ARHGAP5: variants seen among roughly 807,000 people sequenced by gnomAD.
ARHGAP5 encodes rho GTPase-activating protein 5.
In ARHGAP5, 23 loss-of-function variants were observed where a neutral mutation model predicts 116.6. That is an observed-to-expected ratio of 0.20 (90% CI 0.14 to 0.28). The LOEUF (loss-of-function observed/expected upper bound fraction) is 0.28. ARHGAP5 is among the 10% of genes least tolerant of loss of function. The pLI, the probability that ARHGAP5 is intolerant of heterozygous loss-of-function variation, is 1.00. For synonymous variants in ARHGAP5, 574 were observed against 602.0 expected (o/e 0.95, Z 0.68); for missense variants, 1,405 against 1,774.8 (o/e 0.79, Z 3.74).
chr14:32,132,269 T>C (rs867334122), intron 3 of ARHGAP5, among the ~76,000 whole-genome samples: 46 of 152,318 alleles, frequency 3.0e-4, no homozygotes, highest in African/African-American at 8.4e-4. Flanking sequence ...TTTTTAATGA[T>C]TGCCACTCTA....
chr14:32,078,725 T>G (rs1310708756), intron 1 of ARHGAP5, among the ~76,000 whole-genome samples: 3 of 152,192 alleles, frequency 2.0e-5, no homozygotes, highest in Non-Finnish European at 2.9e-5. Context: ...GGGAGCTTGC[T>G]CTACATTTCC....
chr14:32,158,547 G>A lies in ARHGAP5; in HGVS notation c.*3599G>A, dbSNP rs188790974. ...TAGGCCAAATTTTGTGGTATATGTT[G>A]TCAGTCTGGATCTGGTGAGGTCTGT... On this transcript the variant is annotated 3_prime_UTR_variant, in exon 7 of 7. Coordinates refer to ENST00000345122, the MANE Select transcript of ARHGAP5 (RefSeq NM_001030055.2). The A allele has an allele frequency of 3.5e-4, 53 of 152,062 alleles. No homozygotes were observed. Among genetic ancestry groups the A allele is most frequent in the African/African-American group, 1.2e-3 (48 of 41,538 alleles). The allele number at this position is 152,062 out of a possible 1,614,324, so 9.4% of individuals were successfully genotyped here.
chr14:32,139,930 A>C (rs943511378), intron 3 of ARHGAP5, among the ~76,000 whole-genome samples: 13 of 150,826 alleles, frequency 8.6e-5, no homozygotes, highest in Admixed American at 8.5e-4. Flanking sequence ...TAAAAAGAAA[A>C]CATTTATTTA....
At chr14:32,103,801 C>T (rs577043453) in intron 2 of ARHGAP5, among the ~76,000 whole-genome samples, 3 of 152,118 alleles carry the variant, frequency 2.0e-5, no homozygotes, top group Non-Finnish European at 4.4e-5. Flanking sequence ...AGGGCTTAAT[C>T]TGTGACTTTT....
rs1449171392 is a variant in ARHGAP5 at position 32,155,750 on chromosome 14, CTAATA to C, written c.*805_*809del. ...TCTATGATGGTCTTGTAATCTTAAT[CTAATA>C]TATTTTAGATATTTTAATTTTTTCC... On this transcript the variant is annotated 3_prime_UTR_variant, in exon 7 of 7. Coordinates refer to ENST00000345122, the MANE Select transcript of ARHGAP5 (RefSeq NM_001030055.2). 2.0e-5 allele frequency: 3 copies of C among 152,538 alleles called. No individual in the cohort carries two copies. The highest frequency in any genetic ancestry group is 4.8e-5 in the African/African-American group (2 of 41,452). The allele number at this position is 152,538 out of a possible 1,614,324, so 9.4% of individuals were successfully genotyped here. A position where few individuals can be genotyped will look rare whatever the true frequency, so the allele number is the denominator to read the frequency against.
At chr14:32,131,743 C>T (rs1027490913) in intron 3 of ARHGAP5, among the ~76,000 whole-genome samples, 1 of 152,008 alleles carries the variant, frequency 6.6e-6, no homozygotes, top group Non-Finnish European at 1.5e-5. Flanking sequence ...ACTCCCCCAA[C>T]CCCACAACAG....
chr14:32,133,706 A>G (rs1478597087), intron 3 of ARHGAP5, among the ~76,000 whole-genome samples: 1 of 152,114 alleles, frequency 6.6e-6, no homozygotes, highest in African/African-American at 2.4e-5. Flanking sequence ...TCAGTATGAT[A>G]TTGGCTGTGG....
chr14:32,154,842 A>G lies in ARHGAP5; in HGVS notation c.4403A>G (p.Asn1468Ser). 2 of 1,613,974 alleles carry G rather than the reference A, an allele frequency of 1.2e-6. No homozygotes were observed. The highest frequency in any genetic ancestry group is 2.2e-5 in the East Asian group (1 of 44,874). Reference protein sequence around the residue: ...TNIVAPPPPSNPGQLVEPMVP... With the variant: ...TNIVAPPPPSSPGQLVEPMVP... ...ATTGTGGCTCCTCCACCACCTTCAA[A>G]CCCAGGACAGTTGGTGGAACCAATG... Residue 1468 changes from asparagine to serine, a missense_variant, in exon 7 of 7, where the codon AAC becomes AGC. Physicochemically the swap from Asn to Ser is conservative, Grantham distance 46 (BLOSUM62 1). Around this residue, in one of 6 missense-constraint regions of ARHGAP5, gnomAD observed 85 missense variants for 96.6 expected, o/e 0.88. Transcript: ENST00000345122.
chr14:32,139,281 A>AT (rs1880972798), intron 3 of ARHGAP5, among the ~76,000 whole-genome samples: 1 of 152,122 alleles, frequency 6.6e-6, no homozygotes, highest in Non-Finnish European at 1.5e-5. Context: ...TTTGAGATCA[A>AT]TTATTGTTAA....
chr14:32,088,224 T>G (rs2041849981), intron 1 of ARHGAP5, among the ~76,000 whole-genome samples: 1 of 151,976 alleles, frequency 6.6e-6, no homozygotes, highest in Non-Finnish European at 1.5e-5. Context: ...GTTTTCAGAA[T>G]AGATGTTTGT....
Position 32,117,349 on chromosome 14 carries a change from G to T in ARHGAP5, c.3865+62G>T. 4 of 1,412,710 alleles carry T rather than the reference G, an allele frequency of 2.8e-6. No individual in the cohort carries two copies. In the South Asian group the frequency reaches 5.6e-5, roughly 20 times the overall value. The allele number at this position is 1,412,710 out of a possible 1,614,324, so 87.5% of individuals were successfully genotyped here. On this transcript the variant is annotated intron_variant, in intron 3 of 6. Transcript: ENST00000345122. ...AAATTTCACTTTTGATACACCAACA[G>T]TTTGTCAAATGTTTGTGATTTGTTA...
chr14:32,112,465 G>C (rs1242450814), intron 2 of ARHGAP5, among the ~76,000 whole-genome samples: 1 of 152,168 alleles, frequency 6.6e-6, no homozygotes, highest in African/African-American at 2.4e-5. Flanking sequence ...TGGAATGTTT[G>C]TTTTACTGTG....
chr14:32,082,091 A>G (rs2041782488), intron 1 of ARHGAP5, among the ~76,000 whole-genome samples: 2 of 152,300 alleles, frequency 1.3e-5, no homozygotes, highest in South Asian at 2.1e-4. Context: ...GGCGGAGCTC[A>G]GGTGGTAATG....
chr14:32,128,989 C>T (rs1880336892), intron 3 of ARHGAP5, among the ~76,000 whole-genome samples: 1 of 152,206 alleles, frequency 6.6e-6, no homozygotes, highest in African/African-American at 2.4e-5. Flanking sequence ...GTGTTAGAGA[C>T]TTACGCTTTC....
intron 6 of ARHGAP5, chr14:32,153,927 AG>A (rs1316443215): frequency 1.3e-5 from 2 of 151,610 alleles, no homozygotes; most frequent in African/African-American, 4.9e-5. Context: ...AGAAAGAGAG[AG>A]GAAAAAAAAA....
Position 32,159,024 on chromosome 14 carries a change from TCA to T in ARHGAP5, c.*4079_*4080del, listed in dbSNP as rs1484741719. 6.6e-5 allele frequency: 10 copies of T among 152,036 alleles called. No individual in the cohort carries two copies. The highest frequency in any genetic ancestry group is 2.0e-4 in the Admixed American group (3 of 15,258). The allele number at this position is 152,036 out of a possible 1,614,324, so 9.4% of individuals were successfully genotyped here. A position where few individuals can be genotyped will look rare whatever the true frequency, so the allele number is the denominator to read the frequency against. On this transcript the variant is annotated 3_prime_UTR_variant, in exon 7 of 7. Coordinates refer to ENST00000345122, the MANE Select transcript of ARHGAP5 (RefSeq NM_001030055.2). ...GTCAGGGGGAGAGGAGTGGGAAGAG[TCA>T]CAGAATCTCATATTCACATCTTAAT... is the stretch of plus-strand genomic sequence containing the variant.
chr14:32,090,965 T>C lies in ARHGAP5; in HGVS notation c.296T>C (p.Ile99Thr), dbSNP rs1306231630. The C allele has an allele frequency of 2.5e-6, 4 of 1,613,660 alleles. No individual in the cohort carries two copies. In the South Asian group the frequency reaches 3.3e-5, roughly 13 times the overall value. The change falls in exon 2 of 7, where the codon ATT (isoleucine) becomes ACT (threonine). Residue 99 changes from isoleucine (I) to threonine (T), a missense_variant. Ile to Thr is a moderately conservative substitution (Grantham distance 89). This residue lies in a region of ARHGAP5 where 190 missense variants were observed against 314.9 expected (regional missense o/e 0.60). Coordinates refer to ENST00000345122, the MANE Select transcript of ARHGAP5 (RefSeq NM_001030055.2). ...KIHVIEQTEF[I>T]DDQTFLPHRS... ...CATGTCATTGAACAAACAGAGTTCA[T>C]TGATGACCAGACTTTCTTGCCTCAT... is the stretch of plus-strand genomic sequence containing the variant.
At chr14:32,117,368 T>C in intron 3 of ARHGAP5, 81 bp downstream of exon 3, 1 of 1,282,590 alleles carries the variant, frequency 7.8e-7, no homozygotes, top group East Asian at 2.4e-5. Context: ...ATGTTTGTGA[T>C]TTGTTAATAT....
At chr14:32,147,464 A>G (rs1447823828) in intron 4 of ARHGAP5, among the ~76,000 whole-genome samples, 1 of 152,202 alleles carries the variant, frequency 6.6e-6, no homozygotes, top group Admixed American at 6.5e-5. Context: ...ATTTGAATGA[A>G]AAGAATTGTT....
Sources: allele counts gnomAD v4.1 joint callset (sites outside exome capture counted in the v4.1 genomes callset), GRCh38; gene constraint gnomAD v4.1.1; regional missense constraint gnomAD v4.1.1; transcripts MANE v1.5; gene names NCBI Gene and HGNC (gene_info 2026-07-23, HGNC 2026-07-21).